Variants in GTF2A2 observed in about 807,000 individuals in gnomAD.
GTF2A2 encodes the protein general transcription factor IIA subunit 2.
GTF2A2 carries 9 observed loss-of-function variants against 14.3 expected under a neutral mutation model. The observed-to-expected ratio is 0.63, with a 90% CI of 0.38 to 1.10. The LOEUF (loss-of-function observed/expected upper bound fraction) is 1.10. GTF2A2 is among the 50% of genes least tolerant of loss of function. GTF2A2 has a pLI of 0.01. For synonymous variants in GTF2A2, 56 were observed against 46.0 expected, an observed-to-expected ratio of 1.22 and a Z score of -0.88; for missense variants, 90 against 124.6, an observed-to-expected ratio of 0.72 and a Z score of 1.32.
intron 2 of GTF2A2, 42 bp downstream of exon 2, chr15:59,652,164 C>G (rs745676646): frequency 9.5e-7 from 1 of 1,049,356 alleles, no homozygotes; most frequent in Admixed American, 1.9e-5. Flanking sequence ...TACTGTAAAC[C>G]CATCAAGATA....
At chr15:59,652,837 C>T (rs1341540080) in intron 1 of GTF2A2, 2 of 152,280 alleles carry the variant, frequency 1.3e-5, no homozygotes, top group Admixed American at 1.3e-4. Context: ...ATGTAACAAA[C>T]ATACAAAAAG....
At chr15:59,650,229 C>A (rs190297658) in intron 3 of GTF2A2, among the ~76,000 whole-genome samples, 2 of 152,276 alleles carry the variant, frequency 1.3e-5, no homozygotes, top group East Asian at 3.9e-4. Context: ...TTTTTATCAG[C>A]CAAGTTACCT....
intron 2 of GTF2A2, 74 bp downstream of exon 2, chr15:59,652,132 G>T: frequency 2.4e-6 from 2 of 836,782 alleles, no homozygotes; most frequent in Non-Finnish European, 2.0e-6. Context: ...ATATCTCTTT[G>T]CCTAAGTGAT....
chr15:59,642,923 C>T (rs190016452), intron 3 of GTF2A2, among the ~76,000 whole-genome samples: 24 of 152,110 alleles, frequency 1.6e-4, no homozygotes, highest in African/African-American at 3.9e-4. Flanking sequence ...CCTGCCACCA[C>T]GCCCAGCTAG....
intron 3 of GTF2A2, among the ~76,000 whole-genome samples, chr15:59,649,804 CTG>C (rs1891736822): frequency 6.6e-6 from 1 of 152,106 alleles, no homozygotes; most frequent in African/African-American, 2.4e-5. Context: ...CTTTTCATCT[CTG>C]TGTATCTAGA....
At chr15:59,644,651 T>C (rs1163011595) in intron 3 of GTF2A2, among the ~76,000 whole-genome samples, 1 of 152,184 alleles carries the variant, frequency 6.6e-6, no homozygotes, top group African/African-American at 2.4e-5. Context: ...CTCAAGAGTA[T>C]GGAGGACACA....
At position 59,638,526 on chromosome 15, in the gene GTF2A2, C is replaced by T. The variant is rs1891260083; in HGVS notation, c.*606G>A. ...GGACTATTTTGTTTGGGTTTTTTTCCCCCTTCCTCATGTTACCTGGTCTAA... is the reference window on the plus strand; with the variant it reads ...GGACTATTTTGTTTGGGTTTTTTTCTCCCTTCCTCATGTTACCTGGTCTAA... On this transcript the variant is annotated 3_prime_UTR_variant, in exon 5 of 5. Coordinates refer to ENST00000396060, the MANE Select transcript of GTF2A2 (RefSeq NM_004492.3). The T allele has an allele frequency of 1.3e-5, 2 of 152,010 alleles. No homozygotes were observed. Among genetic ancestry groups the T allele is most frequent in the Admixed American group, 6.6e-5 (1 of 15,230 alleles). The allele number at this position is 152,010 out of a possible 1,614,324, so 9.4% of individuals were successfully genotyped here.
chr15:59,642,723 GACTACAA>G (rs1291037747), intron 3 of GTF2A2, among the ~76,000 whole-genome samples: 1 of 152,186 alleles, frequency 6.6e-6, no homozygotes, highest in African/African-American at 2.4e-5. Flanking sequence ...CGGTCACTAA[GACTACAA>G]CATTCATTGT....
Position 59,657,024 on chromosome 15 carries a change from AAAC to A in GTF2A2, c.-50+379_-50+381del, listed in dbSNP as rs1309907028. The A allele has an allele frequency of 1.3e-5, 2 of 152,272 alleles. 1 individual carries two copies. The highest frequency in any genetic ancestry group is 2.9e-5 in the Non-Finnish European group (2 of 68,046). 9.4% of individuals were successfully genotyped at this position (152,272 alleles called of 1,614,324 possible). A position where few individuals can be genotyped will look rare whatever the true frequency, so the allele number is the denominator to read the frequency against. On this transcript the variant is annotated intron_variant, in intron 1 of 4. Coordinates refer to ENST00000396060, the MANE Select transcript of GTF2A2 (RefSeq NM_004492.3). The stretch of plus-strand genomic sequence containing the variant: ...CGAAGAAAGTTGGAAGGCAGACTTC[AAAC>A]AACAAGCTACAAAGCACAGGAATGA...
intron 3 of GTF2A2, among the ~76,000 whole-genome samples, chr15:59,647,649 G>A (rs544763711): frequency 6.6e-6 from 1 of 152,176 alleles, no homozygotes; most frequent in Admixed American, 6.5e-5. Flanking sequence ...CGCGATCTTG[G>A]CTCACTGCAA....
At chr15:59,645,929 G>T (rs1203306860) in intron 3 of GTF2A2, among the ~76,000 whole-genome samples, 1 of 151,742 alleles carries the variant, frequency 6.6e-6, no homozygotes, top group Admixed American at 6.6e-5. Context: ...AGCTACTCGG[G>T]AGGCTGAGGC....
intron 1 of GTF2A2, chr15:59,657,163 G>A (rs1393244530): frequency 2.0e-5 from 3 of 152,262 alleles, no homozygotes; most frequent in African/African-American, 7.2e-5. Flanking sequence ...ACCTCCCCTA[G>A]GTGGGTTCTG....
At chr15:59,641,854 T>A (rs947416907) in intron 4 of GTF2A2, among the ~76,000 whole-genome samples, 1 of 152,212 alleles carries the variant, frequency 6.6e-6, no homozygotes, top group Non-Finnish European at 1.5e-5. Flanking sequence ...GATAAACACT[T>A]AAAATTTGTA....
intron 4 of GTF2A2, 92 bp downstream of exon 4, chr15:59,642,044 C>A (rs2141956962): frequency 9.0e-7 from 1 of 1,115,264 alleles, no homozygotes; most frequent in Non-Finnish European, 1.3e-6. Flanking sequence ...GGCCATTTTA[C>A]CCGTTAGGCT....
intron 3 of GTF2A2, 91 bp downstream of exon 3, chr15:59,650,578 T>C: frequency 5.8e-6 from 4 of 684,072 alleles, no homozygotes. Flanking sequence ...CTCTTCCTCT[T>C]ATGATTAATA....
At chr15:59,641,584 TA>T (rs1891429849) in intron 4 of GTF2A2, among the ~76,000 whole-genome samples, 1 of 152,152 alleles carries the variant, frequency 6.6e-6, no homozygotes, top group Admixed American at 6.5e-5. Flanking sequence ...GGAAATAAAC[TA>T]ATCATGAAAC....
chr15:59,652,118 C>T (rs542821289), intron 2 of GTF2A2, 88 bp downstream of exon 2: 1 of 754,516 alleles, frequency 1.3e-6, no homozygotes, highest in South Asian at 1.6e-5. Flanking sequence ...AGATATTTTA[C>T]CTCATATCTC....
chr15:59,652,931 T>C (rs1335905587), intron 1 of GTF2A2: 2 of 152,188 alleles, frequency 1.3e-5, no homozygotes, highest in African/African-American at 2.4e-5. Flanking sequence ...CCAGGTTCTT[T>C]AAGCTAGACT....
chr15:59,639,139 G>T lies in GTF2A2; in HGVS notation c.323C>A (p.Thr108Lys). 1 of 1,455,172 alleles carries T rather than the reference G, an allele frequency of 6.9e-7. No homozygotes were observed. Among genetic ancestry groups the T allele is most frequent in the Non-Finnish European group, 9.6e-7 (1 of 1,037,710 alleles). The allele number at this position is 1,455,172 out of a possible 1,614,324, so 90.1% of individuals were successfully genotyped here. A position where few individuals can be genotyped will look rare whatever the true frequency, so the allele number is the denominator to read the frequency against. The change falls in exon 5 of 5, where the codon ACA (threonine) becomes AAA (lysine). Residue 108 changes from threonine (T) to lysine (K), a missense_variant. Coordinates refer to ENST00000396060, the MANE Select transcript of GTF2A2 (RefSeq NM_004492.3). The part of the protein sequence containing the change: ...CDGKNTGSNT[T>K]E ...AAGTCATATTTTTTCTATTCATTCT[G>T]TAGTATTGGAGCCAGTATCTAGGAA... is the stretch of plus-strand genomic sequence containing the variant.
Sources: gnomAD v4.1 joint callset for allele counts (sites outside exome capture counted in the v4.1 genomes callset) on GRCh38, gnomAD v4.1.1 for gene constraint, MANE v1.5 for transcripts, NCBI Gene and HGNC (gene_info 2026-07-23, HGNC 2026-07-21) for gene names.